Variants in HEXB observed in about 807,000 individuals in gnomAD.
The protein encoded by HEXB is hexosaminidase subunit beta.
Under a neutral mutation model 71.2 loss-of-function variants are expected in HEXB, and 51 were observed. That is an observed-to-expected ratio of 0.72 (90% CI 0.57 to 0.90). The LOEUF is 0.90. HEXB is among the 40% of genes least tolerant of loss of function. The probability of loss-of-function intolerance (pLI) is 0.00; values close to 1 mark genes in which losing one functional copy is unlikely to be tolerated. For synonymous variants in HEXB, 266 were observed against 249.3 expected (o/e 1.07, Z -0.63); for missense variants, 617 against 677.0 (o/e 0.91, Z 0.98).
At chr5:74,698,982 C>T (rs71627069) in intron 5 of HEXB, among the ~76,000 whole-genome samples, 86 of 151,838 alleles carry the variant, frequency 5.7e-4, no homozygotes, top group South Asian at 2.5e-3. Context: ...GTCAGGAGTT[C>T]GAGACCAGCC....
chr5:74,692,879 T>G (rs1161199597), intron 2 of HEXB, among the ~76,000 whole-genome samples: 2 of 152,222 alleles, frequency 1.3e-5, no homozygotes, highest in Admixed American at 1.3e-4. Context: ...CAGACCTCTC[T>G]AAAAGACTAA....
intron 5 of HEXB, among the ~76,000 whole-genome samples, chr5:74,699,075 C>T (rs1749186787): frequency 6.6e-6 from 1 of 151,984 alleles, no homozygotes; most frequent in Non-Finnish European, 1.5e-5. Flanking sequence ...ATTCCAGCTA[C>T]TTGGGAGGCT....
upstream of HEXB, chr5:74,685,134 G>T: frequency 2.0e-6 from 2 of 990,650 alleles, no homozygotes; most frequent in East Asian, 3.2e-5. Context: ...GGAGTCGGGG[G>T]CGGGCGCGCG....
rs199812068 is a variant in HEXB at position 74,715,474 on chromosome 5, A to G, written c.902-36A>G. The stretch of plus-strand genomic sequence containing the variant: ...AAAACCAGATCTTTATAATGAGTAC[A>G]CTTCTTTTAAAAAGAATCTTAATAT... On this transcript the variant is annotated intron_variant, in intron 7 of 13. Transcript: ENST00000261416. 5.9e-4 allele frequency: 826 copies of G among 1,395,086 alleles called. 2 individuals are homozygous for G. Among genetic ancestry groups the G allele is most frequent in the Non-Finnish European group, 7.7e-4 (752 of 980,524 alleles). The allele number at this position is 1,395,086 out of a possible 1,614,324, so 86.4% of individuals were successfully genotyped here. A position where few individuals can be genotyped will look rare whatever the true frequency, so the allele number is the denominator to read the frequency against.
chr5:74,689,026 A>G (rs1748934633), intron 1 of HEXB, among the ~76,000 whole-genome samples: 1 of 149,420 alleles, frequency 6.7e-6, no homozygotes, highest in Non-Finnish European at 1.5e-5. Context: ...ATGGATTACC[A>G]TGATGGTTTC....
chr5:74,644,046 C>T (rs1224579975), intron 1 of HEXB, among the ~76,000 whole-genome samples: 1 of 152,220 alleles, frequency 6.6e-6, no homozygotes, highest in Non-Finnish European at 1.5e-5. Context: ...TTGTGCTCCC[C>T]TTCCATAGTG....
intron 11 of HEXB, chr5:74,720,190 G>A (rs991814338): frequency 2.8e-5 from 15 of 534,568 alleles, no homozygotes; most frequent in East Asian, 3.5e-5. Context: ...GTGCTAACAC[G>A]TGCTGTGAAC....
intron 1 of HEXB, among the ~76,000 whole-genome samples, chr5:74,651,392 G>T (rs1748107561): frequency 6.6e-6 from 1 of 152,150 alleles, no homozygotes; most frequent in South Asian, 2.1e-4. Flanking sequence ...TGAATGAATG[G>T]CTCTTCCTAG....
chr5:74,646,637 G>A (rs1448471389), intron 1 of HEXB, among the ~76,000 whole-genome samples: 3 of 150,184 alleles, frequency 2.0e-5, no homozygotes, highest in Non-Finnish European at 3.0e-5. Flanking sequence ...GCATGATCTC[G>A]GCTCACTGCA....
At position 74,647,751 on chromosome 5, in the gene HEXB, A is replaced by T. The variant is rs184093998; in HGVS notation, c.-377+7193A>T. ...ATCAGGAGGAAATGGTAACTTTTTA[A>T]AAGTATGTATATTCAAATAGTTATG... On this transcript the variant is annotated intron_variant, in intron 1 of 13. Transcript: ENST00000511181. Among the ~76,000 whole-genome samples, 6 of 152,364 alleles carry T rather than the reference A, an allele frequency of 3.9e-5. No individual in the cohort carries two copies. The East Asian group carries it at 1.2e-3, about 29-fold the overall frequency.
rs774503665 is a variant in HEXB at position 74,696,998 on chromosome 5, C to T, written c.561C>T (p.Phe187=). Residue 187 remains phenylalanine, a splice_region_variant and synonymous_variant, in exon 5 of 14, where the codon TTC becomes TTT. Coordinates refer to ENST00000261416, the MANE Select transcript of HEXB (RefSeq NM_000521.4). ...ATCAAAATTTTATTTTGTCATAGTT[C>T]ACCATCAATGAATCCACCATTATTG... ...QLVYQDSYGT[F]TINESTIIDS... The T allele has an allele frequency of 6.6e-7, 1 of 1,506,058 alleles. No individual in the cohort carries two copies. Among genetic ancestry groups the T allele is most frequent in the South Asian group, 1.1e-5 (1 of 89,108 alleles). The allele number at this position is 1,506,058 out of a possible 1,614,324, so 93.3% of individuals were successfully genotyped here.
chr5:74,707,155 C>A (rs1561223000), intron 6 of HEXB, among the ~76,000 whole-genome samples: 1 of 152,198 alleles, frequency 6.6e-6, no homozygotes, highest in African/African-American at 2.4e-5. Context: ...GTTCTGCAGA[C>A]ACCGCTGCTG....
In HEXB at chr5:74,716,581, C is replaced by G; in HGVS notation, c.1083-6C>G. On this transcript the variant is annotated splice_region_variant and splice_polypyrimidine_tract_variant and intron_variant, in intron 8 of 13. Transcript: ENST00000261416. ...CTAATGAAATTTTAATCACTTTTTG[C>G]TTCAGGGAATCAAATCCAAAAATTC... is the stretch of plus-strand genomic sequence containing the variant. 1 of 1,584,386 alleles carries G rather than the reference C, an allele frequency of 6.3e-7. No individual in the cohort carries two copies. Among genetic ancestry groups the G allele is most frequent in the South Asian group, 1.1e-5 (1 of 89,898 alleles).
chr5:74,715,346 AC>A (rs1319632621), intron 7 of HEXB, among the ~76,000 whole-genome samples, 163 bp from the exon 8 acceptor site: 3 of 152,236 alleles, frequency 2.0e-5, no homozygotes, highest in African/African-American at 4.8e-5. Context: ...GATTCAGGAA[AC>A]CCTTCTTATC....
At chr5:74,710,416 T>C (rs1749511854) in intron 6 of HEXB, among the ~76,000 whole-genome samples, 1 of 152,158 alleles carries the variant, frequency 6.6e-6, no homozygotes, top group Non-Finnish European at 1.5e-5. Context: ...CTGTTCAACA[T>C]AGTGTTGGAA....
chr5:74,720,813 TA>T, intron 13 of HEXB, 66 bp downstream of exon 13: 1 of 1,261,694 alleles, frequency 7.9e-7, no homozygotes, highest in Non-Finnish European at 1.2e-6. Context: ...TCTTTTGCTA[TA>T]AATAGAAATG....
intron 1 of HEXB, among the ~76,000 whole-genome samples, chr5:74,648,767 T>C (rs1300959389): frequency 6.6e-6 from 1 of 152,234 alleles, no homozygotes; most frequent in East Asian, 1.9e-4. Flanking sequence ...TAATAAAATA[T>C]AAACAACTTT....
chr5:74,713,462 A>T, intron 6 of HEXB, 44 bp from the exon 7 acceptor site: 1 of 1,596,198 alleles, frequency 6.3e-7, no homozygotes, highest in Non-Finnish European at 8.6e-7. Flanking sequence ...CCAGGATCAA[A>T]TCTACGTTGT....
chr5:74,664,022 G>T (rs1055944188), intron 1 of HEXB, among the ~76,000 whole-genome samples: 1 of 152,098 alleles, frequency 6.6e-6, no homozygotes, highest in Admixed American at 6.5e-5. Context: ...TTGGGAGGCC[G>T]AGGCAGGTGG....
Sources: gnomAD v4.1 joint callset for allele counts (sites outside exome capture counted in the v4.1 genomes callset) on GRCh38, gnomAD v4.1.1 for gene constraint, MANE v1.5 for transcripts, NCBI Gene and HGNC (gene_info 2026-07-23, HGNC 2026-07-21) for gene names.